Variants in UGT2A3 observed in about 807,000 individuals in gnomAD.
The protein encoded by UGT2A3 is UDP glucuronosyltransferase family 2 member A3, also known as UDP-glucuronosyltransferase 2A3.
UGT2A3 carries 55 observed loss-of-function variants against 44.1 expected under a neutral mutation model. That is an observed-to-expected ratio of 1.25 (90% CI 1.00 to 1.56). The LOEUF (loss-of-function observed/expected upper bound fraction) is 1.56, where lower values mean the gene tolerates loss of function less well. Among genes scored for constraint, UGT2A3 ranks in the 40% most tolerant of loss-of-function variants. The pLI, the probability that UGT2A3 is intolerant of heterozygous loss-of-function variation, is 0.00. For missense variants in UGT2A3, 733 were observed against 621.6 expected (o/e 1.18, Z -1.91); for synonymous variants, 243 against 215.1 (o/e 1.13, Z -1.13).
chr4:68,948,268 C>A (rs746169325), intron 1 of UGT2A3, among the ~76,000 whole-genome samples: 4 of 151,754 alleles, frequency 2.6e-5, no homozygotes, highest in Non-Finnish European at 4.4e-5. Context: ...TTCCTGTAAA[C>A]CTCATTAGTC....
In UGT2A3 at chr4:68,931,185, A is replaced by G; in HGVS notation, c.1054T>C (p.Tyr352His). ...PSTLGANTRLYDWIPQNDLLG... is the reference protein window; with the variant it reads ...PSTLGANTRLHDWIPQNDLLG... ...AGATCATTCTGGGGTATCCAATCAT[A>G]CAGCCGAGTATTGGCTCCTAATGTG... Residue 352 changes from tyrosine (Y) to histidine (H), a missense_variant, in exon 4 of 6, where the codon TAT becomes CAT. Tyr to His is a moderately conservative substitution (Grantham distance 83, BLOSUM62 2). Transcript: ENST00000251566. 2 of 1,613,054 alleles carry G rather than the reference A, an allele frequency of 1.2e-6. No homozygotes were observed. Among genetic ancestry groups the G allele is most frequent in the Non-Finnish European group, 1.7e-6 (2 of 1,179,358 alleles).
intron 1 of UGT2A3, among the ~76,000 whole-genome samples, chr4:68,947,597 T>A (rs185814430): frequency 3.9e-5 from 6 of 151,938 alleles, no homozygotes; most frequent in African/African-American, 1.2e-4. Flanking sequence ...GAATCTAGAA[T>A]GAAAAATCCT....
rs773341793 is a variant in UGT2A3 at position 68,930,144 on chromosome 4, T to C, written c.1305-52A>G. 9.0e-5 allele frequency: 138 copies of C among 1,540,110 alleles called. 1 individual carries two copies. In the South Asian group the frequency reaches 1.6e-3, roughly 18 times the overall value. ...TTAGAAAGTTGTAGTTTTGTTTTCA[T>C]AAAAGACAGGTAGATAAACCGTAGT... On this transcript the variant is annotated intron_variant, in intron 5 of 5. Coordinates refer to ENST00000251566, the MANE Select transcript of UGT2A3 (RefSeq NM_024743.4).
chr4:68,948,118 C>T (rs922422253), intron 1 of UGT2A3, among the ~76,000 whole-genome samples: 4 of 151,812 alleles, frequency 2.6e-5, no homozygotes, highest in Non-Finnish European at 5.9e-5. Flanking sequence ...TAAATGGCAT[C>T]TTCTTCCAAC....
At chr4:68,932,495 T>G in intron 3 of UGT2A3, 133 bp downstream of exon 3, 1 of 868,770 alleles carries the variant, frequency 1.2e-6, no homozygotes, top group Non-Finnish European at 1.7e-6. Context: ...GTTATGCCCA[T>G]GTACACTACT....
At chr4:68,943,103 T>C (rs1338214556) in intron 2 of UGT2A3, among the ~76,000 whole-genome samples, 1 of 151,838 alleles carries the variant, frequency 6.6e-6, no homozygotes, top group African/African-American at 2.4e-5. Flanking sequence ...TCAATTAAAC[T>C]TGTAAAATTA....
In UGT2A3 at chr4:68,930,100, G is replaced by A; in HGVS notation, c.1305-8C>T. On this transcript the variant is annotated splice_polypyrimidine_tract_variant and splice_region_variant and intron_variant, in intron 5 of 5. Coordinates refer to ENST00000251566, the MANE Select transcript of UGT2A3 (RefSeq NM_024743.4). ...ATAGCATTCTCTTTATAACTGGAAG[G>A]GAAAAACACACATAGAACTTAGAAA... 1 of 1,596,724 alleles carries A rather than the reference G, an allele frequency of 6.3e-7. No individual in the cohort carries two copies. The highest frequency in any genetic ancestry group is 8.5e-7 in the Non-Finnish European group (1 of 1,170,732).
chr4:68,939,707 T>G (rs965192689), intron 2 of UGT2A3, among the ~76,000 whole-genome samples: 3 of 152,128 alleles, frequency 2.0e-5, no homozygotes, highest in Non-Finnish European at 4.4e-5. Flanking sequence ...GGGATCTAAT[T>G]AAGCTAAAGA....
chr4:68,945,085 T>G (rs1718335107), intron 2 of UGT2A3, among the ~76,000 whole-genome samples: 1 of 151,722 alleles, frequency 6.6e-6, no homozygotes, highest in Admixed American at 6.6e-5. Context: ...ACTAGTATTT[T>G]AAAATCTATT....
In UGT2A3 at chr4:68,942,864, G is replaced by T. The variant is rs549570927; in HGVS notation, c.864+2442C>A. ...AGTTGTTGGGTAACTATAGTTAATA[G>T]TAATGTATTACATATTTCAAGATAG... On this transcript the variant is annotated intron_variant, in intron 2 of 5. Transcript: ENST00000251566. Among the ~76,000 whole-genome samples, 4 of 151,668 alleles carry T rather than the reference G, an allele frequency of 2.6e-5. No homozygotes were observed. The East Asian group carries it at 7.8e-4, about 30-fold the overall frequency.
Position 68,951,781 on chromosome 4 carries a change from C to T in UGT2A3, c.-21G>A, listed in dbSNP as rs766263237. On this transcript the variant is annotated 5_prime_UTR_variant, in exon 1 of 6. In the 5' UTR this introduces an upstream ATG that the reference lacks. Transcript: ENST00000251566. ...CTCATGATGGCAGTTCCCTCACACA[C>T]TGATCTGCAATGGTTTTGTAGTTAC... The T allele has an allele frequency of 1.3e-6, 2 of 1,532,518 alleles. No individual in the cohort carries two copies. The highest frequency in any genetic ancestry group is 1.4e-5 in the African/African-American group (1 of 72,272). The allele number at this position is 1,532,518 out of a possible 1,614,324, so 94.9% of individuals were successfully genotyped here.
Position 68,951,104 on chromosome 4 carries a change from G to A in UGT2A3, c.657C>T (p.His219=). ...VKNSMLSVLF[H]FWIQDYDYHF... ...GATAGTCGTAATCCTGAATCCAGAA[G>A]TGGAACAAAACTGAAAGCATTGAAT... Residue 219 remains histidine, a synonymous_variant, in exon 1 of 6, where the codon CAC becomes CAT. Coordinates refer to ENST00000251566, the MANE Select transcript of UGT2A3 (RefSeq NM_024743.4). 1.2e-6 allele frequency: 2 copies of A among 1,610,772 alleles called. No homozygotes were observed. Among genetic ancestry groups the A allele is most frequent in the Non-Finnish European group, 1.7e-6 (2 of 1,178,528 alleles).
At chr4:68,937,619 A>G (rs1288069202) in intron 2 of UGT2A3, among the ~76,000 whole-genome samples, 2 of 152,142 alleles carry the variant, frequency 1.3e-5, no homozygotes, top group East Asian at 3.9e-4. Flanking sequence ...GGAAAAATCT[A>G]AAATCGACAC....
intron 2 of UGT2A3, among the ~76,000 whole-genome samples, chr4:68,939,329 T>A (rs1268072381): frequency 6.6e-6 from 1 of 152,046 alleles, no homozygotes; most frequent in Non-Finnish European, 1.5e-5. Flanking sequence ...CAAAACAACA[T>A]GGTACTGGTA....
At chr4:68,936,187 C>T (rs1015714453) in intron 2 of UGT2A3, among the ~76,000 whole-genome samples, 6 of 152,060 alleles carry the variant, frequency 3.9e-5, no homozygotes, top group African/African-American at 1.4e-4. Flanking sequence ...GGCAGGCCAA[C>T]ATTCAAATTC....
At chr4:68,932,810 A>AT (rs745577530) in intron 2 of UGT2A3, 51 bp from the exon 3 acceptor site, 1 of 1,536,384 alleles carries the variant, frequency 6.5e-7, no homozygotes, top group Admixed American at 2.0e-5. Context: ...AACAAAAATT[A>AT]AAATAAAGGT....
chr4:68,945,264 A>G (rs1718341013), intron 2 of UGT2A3, 42 bp downstream of exon 2: 1 of 1,605,078 alleles, frequency 6.2e-7, no homozygotes, highest in Non-Finnish European at 8.5e-7. Flanking sequence ...AAAACAAGTC[A>G]TGTCATAAAG....
In UGT2A3 at chr4:68,928,479, A is replaced by C. The variant is rs1214437167; in HGVS notation, c.*1334T>G. On this transcript the variant is annotated 3_prime_UTR_variant, in exon 6 of 6. Transcript: ENST00000251566. ...TTAAGAAACTTTCAAAACAGTAAAC[A>C]ATTTTATTTATATTTATTGTATACA... The C allele has an allele frequency of 1.3e-5, 2 of 152,094 alleles. No homozygotes were observed. The highest frequency in any genetic ancestry group is 2.9e-5 in the Non-Finnish European group (2 of 67,984). 9.4% of individuals were successfully genotyped at this position (152,094 alleles called of 1,614,324 possible).
chr4:68,942,504 GATATATATATATATAT>G (rs34118122), intron 2 of UGT2A3, among the ~76,000 whole-genome samples: 2,794 of 130,906 alleles, frequency 0.021, 65 homozygotes, highest in Non-Finnish European at 0.031. Flanking sequence ...TTCCACTGGA[GATATATATATATATAT>G]ATATATATAT....
Sources: allele counts gnomAD v4.1 joint callset (sites outside exome capture counted in the v4.1 genomes callset), GRCh38; gene constraint gnomAD v4.1.1; transcripts MANE v1.5; gene names NCBI Gene and HGNC (gene_info 2026-07-23, HGNC 2026-07-21).